The following CYFIP1 variants were observed in gnomAD, a reference collection of about 807,000 sequenced individuals.
CYFIP1 encodes cytoplasmic FMR1-interacting protein 1.
CYFIP1 carries 58 observed loss-of-function variants against 163.5 expected under a neutral mutation model. The ratio of observed to expected loss-of-function variants is 0.35; its 90% confidence interval spans 0.29 to 0.44. CYFIP1 has a LOEUF of 0.44. Ranked by LOEUF, CYFIP1 falls within the 20% of genes least tolerant of loss-of-function variation. The pLI, the probability that CYFIP1 is intolerant of heterozygous loss-of-function variation, is 1.00. For synonymous variants in CYFIP1, 663 were observed against 660.7 expected (o/e 1.00, Z -0.05); for missense variants, 1,338 against 1,653.8 (o/e 0.81, Z 3.31).
intron 21 of CYFIP1, among the ~76,000 whole-genome samples, chr15:22,906,294 G>C (rs1490564349): frequency 1.3e-5 from 2 of 151,564 alleles, no homozygotes; most frequent in African/African-American, 2.4e-5. Flanking sequence ...TTTTAGTAGA[G>C]ATGGGGTTTC....
chr15:22,937,034 G>A, intron 9 of CYFIP1, 70 bp downstream of exon 9: 3 of 1,027,830 alleles, frequency 2.9e-6, no homozygotes, highest in Non-Finnish European at 4.6e-6. Flanking sequence ...GTCACACAGG[G>A]GCTCACTTCC....
At chr15:22,879,892 C>T (rs1237526491) in intron 26 of CYFIP1, 21 bp downstream of exon 26, 14 of 1,597,240 alleles carry the variant, frequency 8.8e-6, no homozygotes, top group African/African-American at 1.4e-5. Flanking sequence ...CGGGGAGGGG[C>T]GGCGTTGGGG....
chr15:22,893,391 G>T (rs2060135534), intron 22 of CYFIP1, among the ~76,000 whole-genome samples: 1 of 152,180 alleles, frequency 6.6e-6, no homozygotes, highest in African/African-American at 2.4e-5. Context: ...TTAGGTATTT[G>T]TAACCCACTC....
intron 1 of CYFIP1, among the ~76,000 whole-genome samples, chr15:22,971,706 G>GAAATA: frequency 6.6e-6 from 1 of 151,684 alleles, no homozygotes. Context: ...AAAAAGAAAA[G>GAAATA]AAATAAAATA....
chr15:22,911,668 G>A (rs1256336789), intron 18 of CYFIP1, among the ~76,000 whole-genome samples: 1 of 152,224 alleles, frequency 6.6e-6, no homozygotes, highest in Non-Finnish European at 1.5e-5. Context: ...CCATCCTGCA[G>A]GGCCGGGGAC....
chr15:22,976,587 T>C (rs1416663620), intron 1 of CYFIP1, among the ~76,000 whole-genome samples: 2 of 152,020 alleles, frequency 1.3e-5, no homozygotes, highest in Non-Finnish European at 2.9e-5. Flanking sequence ...GGTGAGTGCA[T>C]ACAAAAAGAT....
chr15:22,959,031 C>A (rs745597646), intron 1 of CYFIP1, among the ~76,000 whole-genome samples: 1 of 152,318 alleles, frequency 6.6e-6, no homozygotes, highest in East Asian at 1.9e-4. Context: ...AGTCCCACTG[C>A]CCCAGGTGGG....
intron 1 of CYFIP1, among the ~76,000 whole-genome samples, chr15:22,948,356 G>T (rs1350982179): frequency 6.6e-6 from 1 of 152,152 alleles, no homozygotes; most frequent in African/African-American, 2.4e-5. Flanking sequence ...CGGCACACAG[G>T]GGGCAGGTCC....
In CYFIP1 at chr15:22,910,662, C is replaced by T. The variant is rs367833946; in HGVS notation, c.2160-34G>A. 1,865 of 1,605,992 alleles carry T rather than the reference C, an allele frequency of 1.2e-3. 6 individuals are homozygous for T. Among genetic ancestry groups the T allele is most frequent in the Non-Finnish European group, 1.5e-3 (1,714 of 1,172,728 alleles). On this transcript the variant is annotated intron_variant, in intron 19 of 30. Coordinates refer to ENST00000617928, the MANE Select transcript of CYFIP1 (RefSeq NM_014608.6). The stretch of plus-strand genomic sequence containing the variant: ...GAAGGAAGACAGAAAGTTTTTCATA[C>T]GCCATAAATTGTAATGGGAATGTCA...
At chr15:22,876,871 C>T (rs1333010940) in intron 26 of CYFIP1, among the ~76,000 whole-genome samples, 1 of 151,850 alleles carries the variant, frequency 6.6e-6, no homozygotes, top group African/African-American at 2.4e-5. Flanking sequence ...GCTTTTGACA[C>T]TTTATCTTAT....
chr15:22,886,516 ATT>A (rs1186599115), intron 23 of CYFIP1, among the ~76,000 whole-genome samples: 1 of 152,166 alleles, frequency 6.6e-6, no homozygotes, highest in African/African-American at 2.4e-5. Context: ...GTATTTTTAA[ATT>A]TCTCTTGAGA....
rs146247347 is a variant in CYFIP1, at chr15:22,875,247, G to A, written c.3067C>T (p.Leu1023=). Reference sequence around the variant, plus strand: ...ATGTTCTGGAAAGGAGCCGCGTGCAGCAGGTCACACACTTCTTCTAAAGAC... The same window carrying A: ...ATGTTCTGGAAAGGAGCCGCGTGCAACAGGTCACACACTTCTTCTAAAGAC... ...SLSLEEVCDL[L]HAAPFQNILP... is the part of the protein sequence containing the mutation. The change falls in exon 27 of 31, where the codon CTG becomes TTG. Residue 1023 remains leucine, a synonymous_variant. Transcript: ENST00000617928. 1.0e-4 allele frequency: 166 copies of A among 1,613,996 alleles called. No homozygotes were observed. Among genetic ancestry groups the A allele is most frequent in the Non-Finnish European group, 1.3e-4 (155 of 1,179,998 alleles).
intron 18 of CYFIP1, 123 bp downstream of exon 18, chr15:22,912,056 T>C: frequency 2.3e-6 from 2 of 860,034 alleles, no homozygotes; most frequent in Non-Finnish European, 3.5e-6. Flanking sequence ...TGCTCCCACA[T>C]GCTTGCTTCG....
chr15:22,979,399 G>A (rs1187301009), intron 1 of CYFIP1, among the ~76,000 whole-genome samples: 2 of 152,086 alleles, frequency 1.3e-5, no homozygotes, highest in Non-Finnish European at 2.9e-5. Context: ...TCCGACGGAC[G>A]ACTGCAAGAA....
At chr15:22,962,816 C>A (rs181768437) in intron 1 of CYFIP1, among the ~76,000 whole-genome samples, 1 of 152,176 alleles carries the variant, frequency 6.6e-6, no homozygotes, top group South Asian at 2.1e-4. Context: ...TATTACGAGA[C>A]GCATGCACGC....
intron 1 of CYFIP1, among the ~76,000 whole-genome samples, chr15:22,956,492 G>A (rs1407971119): frequency 6.6e-6 from 1 of 152,222 alleles, no homozygotes; most frequent in African/African-American, 2.4e-5. Flanking sequence ...GTATGTGTGA[G>A]TGTGTATGTG....
chr15:22,867,405 A>AAATC lies in CYFIP1; in HGVS notation c.*2619_*2622dup. 1 of 382,428 alleles carries AAATC rather than the reference A, an allele frequency of 2.6e-6. No individual in the cohort carries two copies. Among genetic ancestry groups the AAATC allele is most frequent in the Non-Finnish European group, 4.6e-6 (1 of 216,982 alleles). The allele number at this position is 382,428 out of a possible 1,614,324, so 23.7% of individuals were successfully genotyped here. On this transcript the variant is annotated 3_prime_UTR_variant, in exon 31 of 31. Coordinates refer to ENST00000617928, the MANE Select transcript of CYFIP1 (RefSeq NM_014608.6). The stretch of plus-strand genomic sequence containing the variant: ...TCTTACAAAACAAAAAAAAGGGCAG[A>AAATC]AATCACCCCAAGGAACGATTTCTCA...
At chr15:22,964,371 A>T (rs1207630914) in intron 1 of CYFIP1, among the ~76,000 whole-genome samples, 7 of 113,540 alleles carry the variant, frequency 6.2e-5, no homozygotes, top group Middle Eastern at 4.1e-3. Context: ...ACACACACAC[A>T]CACACACACA....
chr15:22,975,392 C>T, intron 1 of CYFIP1, among the ~76,000 whole-genome samples: 1 of 142,202 alleles, frequency 7.0e-6, no homozygotes, highest in East Asian at 2.1e-4. Flanking sequence ...ATCGCTTGAA[C>T]CCGGGAGGCA....
Sources: gnomAD v4.1 joint callset for allele counts (sites outside exome capture counted in the v4.1 genomes callset) on GRCh38, gnomAD v4.1.1 for gene constraint, MANE v1.5 for transcripts, NCBI Gene and HGNC (gene_info 2026-07-23, HGNC 2026-07-21) for gene names.